STX8: variants seen among roughly 807,000 people sequenced by gnomAD.
STX8 encodes syntaxin-8.
STX8 carries 23 observed loss-of-function variants against 37.5 expected under a neutral mutation model. The ratio of observed to expected loss-of-function variants is 0.61; its 90% CI spans 0.44 to 0.87. STX8 has a LOEUF of 0.87. Ranked by LOEUF, STX8 falls within the 40% of genes least tolerant of loss-of-function variation. The probability of loss-of-function intolerance (pLI) is 0.00; values close to 1 mark genes in which losing one functional copy is unlikely to be tolerated. For missense variants in STX8, 313 were observed against 284.7 expected (o/e 1.10, Z -0.71); for synonymous variants, 115 against 99.1 (o/e 1.16, Z -0.95).
At chr17:9,317,714 C>T (rs960551160) in intron 7 of STX8, among the ~76,000 whole-genome samples, 6 of 150,568 alleles carry the variant, frequency 4.0e-5, no homozygotes. Flanking sequence ...TGCAGTGAGC[C>T]GAGATTGCAC....
chr17:9,325,070 C>G (rs1909711240), intron 7 of STX8, among the ~76,000 whole-genome samples: 2 of 152,198 alleles, frequency 1.3e-5, no homozygotes, highest in African/African-American at 4.8e-5. Flanking sequence ...CAGTATTGTA[C>G]TCTGTGATGT....
At chr17:9,383,655 A>C (rs1911893239) in intron 6 of STX8, among the ~76,000 whole-genome samples, 1 of 152,176 alleles carries the variant, frequency 6.6e-6, no homozygotes, top group South Asian at 2.1e-4. Flanking sequence ...AAGAAAGCAA[A>C]AAGGTATGAA....
At chr17:9,374,056 T>C (rs1911503599) in intron 7 of STX8, among the ~76,000 whole-genome samples, 1 of 151,930 alleles carries the variant, frequency 6.6e-6, no homozygotes, top group Non-Finnish European at 1.5e-5. Flanking sequence ...AGATGGTAAA[T>C]TTTATGCTAT....
At chr17:9,377,383 C>A (rs1165381641) in intron 7 of STX8, among the ~76,000 whole-genome samples, 2 of 152,066 alleles carry the variant, frequency 1.3e-5, no homozygotes, top group African/African-American at 4.8e-5. Context: ...TCACTGCAGC[C>A]TCAGCCTCCT....
chr17:9,325,702 G>A (rs777219191), intron 7 of STX8, among the ~76,000 whole-genome samples: 3 of 152,232 alleles, frequency 2.0e-5, no homozygotes, highest in Non-Finnish European at 4.4e-5. Context: ...CCAGTAGACT[G>A]GAAGTTTGCA....
At chr17:9,524,948 C>T (rs1381510146) in intron 4 of STX8, among the ~76,000 whole-genome samples, 2 of 152,050 alleles carry the variant, frequency 1.3e-5, no homozygotes, top group Non-Finnish European at 2.9e-5. Context: ...GCTAGGACTA[C>T]AGGCATGCAC....
At chr17:9,274,917 ATT>A (rs1907617626) in intron 7 of STX8, among the ~76,000 whole-genome samples, 1 of 150,736 alleles carries the variant, frequency 6.6e-6, no homozygotes, top group Non-Finnish European at 1.5e-5. Flanking sequence ...TGCCTGGCTA[ATT>A]TTTGTATTTT....
At chr17:9,251,846 T>A (rs1338990489) in intron 7 of STX8, among the ~76,000 whole-genome samples, 1 of 152,166 alleles carries the variant, frequency 6.6e-6, no homozygotes, top group Non-Finnish European at 1.5e-5. Context: ...CACCATGGTT[T>A]TGAATATTGA....
At chr17:9,376,378 G>A (rs868432156) in intron 7 of STX8, among the ~76,000 whole-genome samples, 1 of 152,082 alleles carries the variant, frequency 6.6e-6, no homozygotes, top group African/African-American at 2.4e-5. Flanking sequence ...TCTAGCTTAA[G>A]GTTTGTAAAC....
chr17:9,253,649 TGA>T (rs1906675412), intron 7 of STX8, among the ~76,000 whole-genome samples: 1 of 151,804 alleles, frequency 6.6e-6, no homozygotes, highest in African/African-American at 2.4e-5. Context: ...AGGGAGAGGA[TGA>T]GAGGTGTTTT....
At chr17:9,380,045 C>G (rs1268616700) in intron 6 of STX8, among the ~76,000 whole-genome samples, 3 of 151,846 alleles carry the variant, frequency 2.0e-5, no homozygotes, top group Admixed American at 1.3e-4. Context: ...AAATTGAGCC[C>G]TTCACAACAT....
intron 7 of STX8, among the ~76,000 whole-genome samples, chr17:9,253,212 G>A (rs545122592): frequency 7.1e-6 from 1 of 141,500 alleles, no homozygotes; most frequent in East Asian, 2.0e-4. Context: ...GTAGGGGTGT[G>A]TGTGTGTGTG....
intron 4 of STX8, among the ~76,000 whole-genome samples, chr17:9,529,634 A>C (rs559602496): frequency 1.7e-4 from 26 of 152,342 alleles, no homozygotes; most frequent in African/African-American, 6.0e-4. Context: ...TCACCTTTAT[A>C]GGAGTGGCAT....
chr17:9,343,018 C>CAAAAAAAAAAAAAAAAAAAAAAA (rs4063994), intron 7 of STX8, among the ~76,000 whole-genome samples: 1 of 110,498 alleles, frequency 9.0e-6, no homozygotes. Flanking sequence ...GAAACTGTCT[C>CAAAAAAAAAAAAAAAAAAAAAAA]AAAAAAAAAA....
intron 6 of STX8, among the ~76,000 whole-genome samples, chr17:9,478,674 G>A (rs1488963639): frequency 6.6e-6 from 1 of 152,172 alleles, no homozygotes; most frequent in Admixed American, 6.5e-5. Context: ...CCTGTCTCAT[G>A]ACCCCTCCAC....
At chr17:9,442,407 C>T (rs1904696367) in intron 6 of STX8, among the ~76,000 whole-genome samples, 2 of 152,100 alleles carry the variant, frequency 1.3e-5, no homozygotes, top group Non-Finnish European at 1.5e-5. Context: ...GCCATAGTTT[C>T]TTTCTTTTAA....
chr17:9,508,650 G>A (rs1316843387), intron 4 of STX8, among the ~76,000 whole-genome samples: 1 of 152,178 alleles, frequency 6.6e-6, no homozygotes. Context: ...CTTGAAGACA[G>A]ATCTTGTGAA....
rs536574758 is a variant in STX8 at position 9,545,590 on chromosome 17, C to T, written c.213-308G>A. On this transcript the variant is annotated intron_variant, in intron 3 of 7. Coordinates refer to ENST00000306357, the MANE Select transcript of STX8 (RefSeq NM_004853.3). ...TCCTCCCCGTGACCAAACTTATTTA[C>T]TTATTTTTGAGACAGAGTCTCGCTC... is the stretch of plus-strand genomic sequence containing the variant. 3.3e-5 allele frequency among the ~76,000 whole-genome samples: 5 copies of T among 152,136 alleles called. No homozygotes were observed. The South Asian group carries it at 1.0e-3, about 32-fold the overall frequency.
intron 4 of STX8, among the ~76,000 whole-genome samples, chr17:9,531,823 T>G (rs1160940853): frequency 1.2e-5 from 1 of 81,962 alleles, no homozygotes; most frequent in African/African-American, 5.0e-5. Context: ...GATTTCATGT[T>G]TTTTTTTTTA....
Sources: gnomAD v4.1 joint callset for allele counts (sites outside exome capture counted in the v4.1 genomes callset) on GRCh38, gnomAD v4.1.1 for gene constraint, MANE v1.5 for transcripts, NCBI Gene and HGNC (gene_info 2026-07-23, HGNC 2026-07-21) for gene names.